The following CPNE4 variants were observed in gnomAD, a reference collection of about 807,000 sequenced individuals.
The protein encoded by CPNE4 is copine 4, also known as copine-4.
Under a neutral mutation model 67.9 loss-of-function variants are expected in CPNE4, and 25 were observed. The ratio of observed to expected loss-of-function variants is 0.37; its 90% confidence interval spans 0.27 to 0.51. The LOEUF is 0.51. Among genes scored for constraint, CPNE4 ranks in the 20% least tolerant of loss-of-function variants. CPNE4 has a pLI of 0.93. For missense variants in CPNE4, 464 were observed against 690.8 expected (o/e 0.67, Z 3.68); for synonymous variants, 242 against 244.9 (o/e 0.99, Z 0.11).
At chr3:131,933,446 AC>A in intron 1 of CPNE4, among the ~76,000 whole-genome samples, 1 of 152,314 alleles carries the variant, frequency 6.6e-6, no homozygotes, top group Non-Finnish European at 1.5e-5. Context: ...AATTAGAACG[AC>A]CATTATGGAA....
chr3:132,010,341 A>G (rs1009004036), intron 1 of CPNE4, among the ~76,000 whole-genome samples: 2 of 152,234 alleles, frequency 1.3e-5, no homozygotes, highest in Non-Finnish European at 2.9e-5. Flanking sequence ...ACAAAGTGGG[A>G]GGAAAAACGA....
intron 1 of CPNE4, among the ~76,000 whole-genome samples, chr3:131,930,115 T>C (rs1241800254): frequency 6.6e-6 from 1 of 152,198 alleles, no homozygotes; most frequent in African/African-American, 2.4e-5. Context: ...CACTTTCCAA[T>C]GGTTGTTAAC....
At chr3:131,681,580 G>C (rs150961468) in intron 6 of CPNE4, among the ~76,000 whole-genome samples, 1 of 152,098 alleles carries the variant, frequency 6.6e-6, no homozygotes. Flanking sequence ...TTGGGGGTTT[G>C]ATTATTAACT....
At chr3:131,715,801 G>T (rs941009981) in intron 3 of CPNE4, among the ~76,000 whole-genome samples, 20 of 152,220 alleles carry the variant, frequency 1.3e-4, no homozygotes, top group African/African-American at 4.8e-4. Flanking sequence ...TCACATTAAA[G>T]AAGGTCAGCT....
At chr3:131,761,865 G>A (rs1476876446) in intron 2 of CPNE4, among the ~76,000 whole-genome samples, 1 of 152,132 alleles carries the variant, frequency 6.6e-6, no homozygotes, top group Admixed American at 6.6e-5. Context: ...ATCTGGCTGA[G>A]AAGAGATAAA....
At chr3:131,594,446 G>C (rs971689030) in intron 7 of CPNE4, among the ~76,000 whole-genome samples, 1 of 152,072 alleles carries the variant, frequency 6.6e-6, no homozygotes, top group Admixed American at 6.6e-5. Context: ...ATACACAATG[G>C]GGAAATAATA....
intron 2 of CPNE4, among the ~76,000 whole-genome samples, chr3:131,857,596 A>G (rs911631555): frequency 1.3e-5 from 2 of 152,018 alleles, no homozygotes; most frequent in African/African-American, 4.8e-5. Context: ...GAAATTCTCT[A>G]AGGCCTCAGA....
intron 1 of CPNE4, among the ~76,000 whole-genome samples, chr3:131,932,811 A>C (rs2107834444): frequency 6.6e-6 from 1 of 152,204 alleles, no homozygotes; most frequent in South Asian, 2.1e-4. Flanking sequence ...TGAGGTCAGG[A>C]GTTCGAAACC....
chr3:131,915,728 G>A (rs572504186), intron 1 of CPNE4, among the ~76,000 whole-genome samples: 3 of 152,110 alleles, frequency 2.0e-5, no homozygotes, highest in African/African-American at 4.8e-5. Flanking sequence ...TTGAGACAAC[G>A]GAGAGACCAA....
chr3:131,836,163 A>C (rs2085551020), intron 2 of CPNE4, among the ~76,000 whole-genome samples: 1 of 152,180 alleles, frequency 6.6e-6, no homozygotes, highest in Admixed American at 6.5e-5. Flanking sequence ...AAAGGCTTTA[A>C]AAAATGAAAC....
At chr3:131,718,745 T>C (rs1342076488) in intron 3 of CPNE4, among the ~76,000 whole-genome samples, 3 of 152,250 alleles carry the variant, frequency 2.0e-5, no homozygotes, top group Admixed American at 6.5e-5. Flanking sequence ...CAGATAATTA[T>C]AAGCTTTTCT....
At position 131,911,806 on chromosome 3, in the gene CPNE4, A is replaced by G. The variant is rs74594931; in HGVS notation, c.-1-6362T>C. ...TTACCTCCTGGTGCCTGCACAAATGAGAGCCCTGACAAAATATACTGGAGT... is the reference window on the plus strand; with the variant it reads ...TTACCTCCTGGTGCCTGCACAAATGGGAGCCCTGACAAAATATACTGGAGT... On this transcript the variant is annotated intron_variant, in intron 1 of 15. Coordinates refer to ENST00000429747, the MANE Select transcript of CPNE4 (RefSeq NM_130808.3). Among the ~76,000 whole-genome samples the G allele has an allele frequency of 5.7e-3, 873 of 152,252 alleles. 6 individuals are homozygous for G. Among genetic ancestry groups the G allele is most frequent in the Non-Finnish European group, 9.1e-3 (622 of 68,020 alleles).
At chr3:131,760,314 A>AGTGG (rs765818715) in intron 2 of CPNE4, among the ~76,000 whole-genome samples, 3 of 152,306 alleles carry the variant, frequency 2.0e-5, no homozygotes, top group Admixed American at 2.0e-4. Context: ...ATCTCTGTGA[A>AGTGG]GTGGGCATCC....
At chr3:131,883,433 C>T (rs1016610148) in intron 2 of CPNE4, among the ~76,000 whole-genome samples, 3 of 152,198 alleles carry the variant, frequency 2.0e-5, no homozygotes, top group African/African-American at 7.2e-5. Flanking sequence ...TGGCTATTAC[C>T]TGATCCAAAC....
chr3:131,679,174 C>A (rs1218624073), intron 6 of CPNE4, among the ~76,000 whole-genome samples: 2 of 151,966 alleles, frequency 1.3e-5, no homozygotes, highest in Non-Finnish European at 2.9e-5. Context: ...ATCTATCTGT[C>A]CAGGAATTTA....
At chr3:131,850,940 T>C (rs960785275) in intron 2 of CPNE4, among the ~76,000 whole-genome samples, 4 of 152,174 alleles carry the variant, frequency 2.6e-5, no homozygotes, top group African/African-American at 7.2e-5. Context: ...AAATTAAATA[T>C]GTACATGCTC....
At chr3:131,807,278 G>T (rs1367991566) in intron 2 of CPNE4, among the ~76,000 whole-genome samples, 1 of 152,176 alleles carries the variant, frequency 6.6e-6, no homozygotes. Context: ...ACGTGCCTTT[G>T]TTCAGGGCAA....
intron 2 of CPNE4, among the ~76,000 whole-genome samples, chr3:131,788,859 T>G: frequency 6.6e-6 from 1 of 152,016 alleles, no homozygotes; most frequent in Admixed American, 6.6e-5. Context: ...CATACACACA[T>G]ATATATATAA....
At chr3:131,900,002 T>C (rs1021896221) in intron 2 of CPNE4, among the ~76,000 whole-genome samples, 1 of 152,042 alleles carries the variant, frequency 6.6e-6, no homozygotes, top group Non-Finnish European at 1.5e-5. Flanking sequence ...CCTTCTGTGC[T>C]GCTAACAGGG....
Sources: gnomAD v4.1 joint callset for allele counts (sites outside exome capture counted in the v4.1 genomes callset) on GRCh38, gnomAD v4.1.1 for gene constraint, MANE v1.5 for transcripts, NCBI Gene and HGNC (gene_info 2026-07-23, HGNC 2026-07-21) for gene names.